Variants in PDZK1 observed in about 807,000 individuals in gnomAD.
PDZK1 encodes Na(+)/H(+) exchange regulatory cofactor NHE-RF3.
A neutral mutation model predicts 38.1 loss-of-function variants in PDZK1; 23 were observed. The ratio of observed to expected loss-of-function variants is 0.60; its 90% CI spans 0.43 to 0.85. The LOEUF is 0.85. Ranked by LOEUF, PDZK1 falls within the 40% of genes least tolerant of loss-of-function variation. PDZK1 has a pLI of 0.00. For synonymous variants in PDZK1, 98 were observed against 186.2 expected, an observed-to-expected ratio of 0.53 and a Z score of 3.86; for missense variants, 297 against 504.3, an observed-to-expected ratio of 0.59 and a Z score of 3.94.
chr1:145,681,459 TTTTTA>T (rs1654250221), intron 4 of PDZK1, among the ~76,000 whole-genome samples: 1 of 149,876 alleles, frequency 6.7e-6, no homozygotes, highest in African/African-American at 2.5e-5. Context: ...AATTTTTTTT[TTTTTA>T]TTTTTAGTGG....
intron 1 of PDZK1, among the ~76,000 whole-genome samples, chr1:145,698,870 C>T (rs140251504): frequency 2.0e-5 from 3 of 151,578 alleles, no homozygotes; most frequent in Admixed American, 6.6e-5. Flanking sequence ...AGGCGGGAGG[C>T]GGAGGCTGCA....
chr1:145,679,143 T>C (rs1222462537), intron 5 of PDZK1, among the ~76,000 whole-genome samples: 2 of 151,784 alleles, frequency 1.3e-5, no homozygotes, highest in Admixed American at 6.6e-5. Context: ...TGCTTTGGCC[T>C]TCTGGTATCT....
intron 1 of PDZK1, among the ~76,000 whole-genome samples, chr1:145,697,267 C>T (rs1316246590): frequency 1.3e-5 from 2 of 150,972 alleles, no homozygotes; most frequent in Non-Finnish European, 2.9e-5. Context: ...GCAGTGGTTG[C>T]GGTGAGCCGA....
chr1:145,690,285 A>G (rs1384066366), intron 1 of PDZK1, among the ~76,000 whole-genome samples: 1 of 152,054 alleles, frequency 6.6e-6, no homozygotes, highest in Non-Finnish European at 1.5e-5. Flanking sequence ...GTTCACATCT[A>G]TGTCCAAGCT....
intron 1 of PDZK1, among the ~76,000 whole-genome samples, chr1:145,699,001 G>A (rs1372443223): frequency 6.6e-6 from 1 of 151,954 alleles, no homozygotes; most frequent in Admixed American, 6.6e-5. Flanking sequence ...ACTTTTGGAG[G>A]CCGAGGCAGG....
At chr1:145,682,683 C>G (rs1249996003) in intron 3 of PDZK1, 47 bp from the exon 4 acceptor site, 1 of 1,470,748 alleles carries the variant, frequency 6.8e-7, no homozygotes, top group African/African-American at 1.4e-5. Context: ...CAAGTGACTC[C>G]CTCTTGGATG....
Position 145,688,016 on chromosome 1 carries a change from G to A in PDZK1, c.6C>T (p.Thr2=). 6.2e-7 allele frequency: 1 copy of A among 1,611,778 alleles called. No individual in the cohort carries two copies. The highest frequency in any genetic ancestry group is 1.1e-5 in the South Asian group (1 of 90,944). The change falls in exon 2 of 9, where the codon ACC becomes ACT. Residue 2 remains threonine, a synonymous_variant. Coordinates refer to ENST00000417171, the MANE Select transcript of PDZK1 (RefSeq NM_001201325.2). M[T]STFNPRECKL... is the part of the protein sequence containing the mutation. The stretch of plus-strand genomic sequence containing the variant: ...TACATTCTCGGGGGTTGAAGGTGGA[G>A]GTCATTTCTGTGATGAAAAAAATAA...
At chr1:145,689,775 G>A (rs1347653322) in intron 1 of PDZK1, among the ~76,000 whole-genome samples, 4 of 152,130 alleles carry the variant, frequency 2.6e-5, no homozygotes, top group African/African-American at 9.7e-5. Context: ...AGGATATGGG[G>A]GAGGGTGAAG....
In PDZK1 at chr1:145,681,090, G is replaced by T. The variant is rs1230639820; in HGVS notation, c.615C>A (p.Ser205Arg). The stretch of plus-strand genomic sequence containing the variant: ...TGTCCACCAGCAGGAACATGACACG[G>T]CTTCCTGACTTCTTCACCTGTAACA... ...EVVEKVKKSG[S>R]RVMFLLVDKE... The change falls in exon 5 of 9, where the codon AGC (serine) becomes AGA (arginine). Residue 205 changes from serine (S) to arginine (R), a missense_variant. Transcript: ENST00000417171. 2 of 554,472 alleles carry T rather than the reference G, an allele frequency of 3.6e-6. No individual in the cohort carries two copies. The highest frequency in any genetic ancestry group is 5.2e-5 in the African/African-American group (2 of 38,630). The allele number at this position is 554,472 out of a possible 1,614,324, so 34.3% of individuals were successfully genotyped here.
At chr1:145,692,528 T>C in intron 1 of PDZK1, among the ~76,000 whole-genome samples, 1 of 150,572 alleles carries the variant, frequency 6.6e-6, no homozygotes, top group Admixed American at 6.6e-5. Flanking sequence ...CTGGCAAACA[T>C]GGTGAAACCC....
intron 6 of PDZK1, among the ~76,000 whole-genome samples, chr1:145,677,581 A>C (rs1653810267): frequency 6.6e-6 from 1 of 151,998 alleles, no homozygotes; most frequent in Non-Finnish European, 1.5e-5. Context: ...ATCTTGAAAA[A>C]ATGTGCTGGG....
At chr1:145,700,544 C>T (rs1655900654) in intron 1 of PDZK1, among the ~76,000 whole-genome samples, 1 of 152,170 alleles carries the variant, frequency 6.6e-6, no homozygotes, top group African/African-American at 2.4e-5. Context: ...TGAATAGGCT[C>T]ACTCACCAGA....
Position 145,683,949 on chromosome 1 carries a change from C to T in PDZK1, c.461-1313G>A, listed in dbSNP as rs1325527680. On this transcript the variant is annotated intron_variant, in intron 3 of 8. Transcript: ENST00000417171. ...GCAACCTCTGCCTCCCCGGTTCAAG[C>T]GATTCTCCTGCCTCAGCCTCTCGAG... 4.6e-5 allele frequency among the ~76,000 whole-genome samples: 7 copies of T among 151,716 alleles called. No individual in the cohort carries two copies. In the Middle Eastern group the frequency reaches 0.01, roughly 221 times the overall value.
rs1553700604 is a variant in PDZK1 at position 145,682,606 on chromosome 1, G to A, written c.491C>T (p.Thr164Ile). Reference protein sequence around the residue: ...GKKGVYMTDITPQGVAMRAGV... With the variant: ...GKKGVYMTDIIPQGVAMRAGV... ...AGCTCTCATAGCCACACCTTGAGGT[G>A]TAATATCAGTCATGTACACCCCCTT... Residue 164 changes from threonine to isoleucine, a missense_variant, in exon 4 of 9, where the codon ACA becomes ATA. Transcript: ENST00000417171. The A allele has an allele frequency of 3.7e-6, 6 of 1,611,802 alleles. No homozygotes were observed. Among genetic ancestry groups the A allele is most frequent in the South Asian group, 3.3e-5 (3 of 90,970 alleles).
At chr1:145,688,564 C>T (rs993068844) in intron 1 of PDZK1, among the ~76,000 whole-genome samples, 8 of 151,886 alleles carry the variant, frequency 5.3e-5, no homozygotes, top group African/African-American at 1.7e-4. Context: ...GAATAGGGAG[C>T]GGGATGGGAA....
intron 5 of PDZK1, among the ~76,000 whole-genome samples, chr1:145,679,472 G>C (rs1321906064): frequency 6.6e-6 from 1 of 152,080 alleles, no homozygotes; most frequent in African/African-American, 2.4e-5. Context: ...AATGCAGTTT[G>C]TATTAGTTCC....
intron 6 of PDZK1, among the ~76,000 whole-genome samples, chr1:145,674,724 C>T (rs1653468919): frequency 6.6e-6 from 1 of 152,066 alleles, no homozygotes; most frequent in Admixed American, 6.5e-5. Context: ...CTACTGGCAT[C>T]CCAGGGTCTC....
chr1:145,673,896 AG>A lies in PDZK1; in HGVS notation c.991-16del, dbSNP rs1653364308. ...GAAAAATGAGCCTTTTGAAAAATAA[AG>A]GGAAAAAACATTAACTTAGTTGTAA... On this transcript the variant is annotated splice_polypyrimidine_tract_variant and intron_variant, in intron 6 of 8. Coordinates refer to ENST00000417171, the MANE Select transcript of PDZK1 (RefSeq NM_001201325.2). The A allele has an allele frequency of 4.8e-6, 7 of 1,451,416 alleles. No individual in the cohort carries two copies. The highest frequency in any genetic ancestry group is 6.7e-6 in the Non-Finnish European group (7 of 1,047,238). The allele number at this position is 1,451,416 out of a possible 1,614,324, so 89.9% of individuals were successfully genotyped here.
chr1:145,680,092 T>A (rs587728077), intron 5 of PDZK1, among the ~76,000 whole-genome samples: 189 of 152,222 alleles, frequency 1.2e-3, no homozygotes, highest in Non-Finnish European at 2.1e-3. Context: ...AAGCTTACTC[T>A]AACGTTGAAT....
Sources: allele counts gnomAD v4.1 joint callset (sites outside exome capture counted in the v4.1 genomes callset), GRCh38; gene constraint gnomAD v4.1.1; transcripts MANE v1.5; gene names NCBI Gene and HGNC (gene_info 2026-07-23, HGNC 2026-07-21).